The following STAG3 variants were observed in gnomAD, a reference collection of about 807,000 sequenced individuals.
STAG3 encodes cohesin subunit SA-3.
STAG3 carries 101 observed loss-of-function variants against 160.7 expected under a neutral mutation model. The observed-to-expected ratio is 0.63, with a 90% CI of 0.54 to 0.74. The LOEUF (loss-of-function observed/expected upper bound fraction) is 0.74, where lower values mean the gene tolerates loss of function less well. Among genes scored for constraint, STAG3 ranks in the 30% least tolerant of loss-of-function variants. The pLI is 0.00. For synonymous variants in STAG3, 519 were observed against 585.0 expected (o/e 0.89, Z 1.63); for missense variants, 1,188 against 1,517.4 (o/e 0.78, Z 3.61).
chr7:100,213,477 T>C, intron 32 of STAG3: 2 of 985,174 alleles, frequency 2.0e-6, no homozygotes, highest in Non-Finnish European at 2.4e-6. Flanking sequence ...AAAATATTAT[T>C]TCCTAACATC....
At position 100,214,102 on chromosome 7, in the gene STAG3, A is replaced by G; in HGVS notation, c.*87A>G. The G allele has an allele frequency of 6.5e-7, 1 of 1,533,796 alleles. No individual in the cohort carries two copies. The highest frequency in any genetic ancestry group is 2.1e-4 in the Middle Eastern group (1 of 4,694). ...GGCAAAGAGAAAAGGAGCAAAATGA[A>G]GCATTCCCCCAGGCTTCAGCCCTGG... is the stretch of plus-strand genomic sequence containing the variant. On this transcript the variant is annotated 3_prime_UTR_variant, in exon 34 of 34. Transcript: ENST00000615138.
At chr7:100,195,270 G>C in intron 8 of STAG3, 39 bp from the exon 9 acceptor site, 1 of 1,577,554 alleles carries the variant, frequency 6.3e-7, no homozygotes, top group East Asian at 2.2e-5. Flanking sequence ...TGCTTGTTAG[G>C]GTACAAGAAA....
chr7:100,208,218 G>GT (rs1318973794), intron 29 of STAG3, among the ~76,000 whole-genome samples: 2 of 151,940 alleles, frequency 1.3e-5, no homozygotes, highest in Non-Finnish European at 2.9e-5. Flanking sequence ...ATTTCCTTTT[G>GT]TTGTCTTCTG....
chr7:100,207,100 G>A lies in STAG3; in HGVS notation c.3238+1716G>A, dbSNP rs142951517. Among the ~76,000 whole-genome samples the A allele has an allele frequency of 3.9e-5, 6 of 152,204 alleles. No individual in the cohort carries two copies. Among genetic ancestry groups the A allele is most frequent in the East Asian group, 1.9e-4 (1 of 5,184 alleles). ...TTTATGGCCGAAACAATATGCCATC[G>A]TGTGGATATGCCACATTCTACTTAT... On this transcript the variant is annotated intron_variant, in intron 29 of 33. Transcript: ENST00000615138. This position sits in a 1 kb window ranked among gnomAD's most constrained non-coding sequence, Gnocchi z 4.0.
At chr7:100,186,810 T>A (rs2117123566) in intron 5 of STAG3, among the ~76,000 whole-genome samples, 1 of 152,338 alleles carries the variant, frequency 6.6e-6, no homozygotes, top group East Asian at 1.9e-4. Flanking sequence ...GTAATCACGC[T>A]TATGTTATGG....
intron 16 of STAG3, 49 bp from the exon 17 acceptor site, chr7:100,200,187 A>G: frequency 2.1e-6 from 3 of 1,437,268 alleles, no homozygotes; most frequent in East Asian, 2.4e-5. Context: ...CACCCCCTGC[A>G]CCAGTGTTTC....
intron 2 of STAG3, chr7:100,181,232 A>G (rs187596731): frequency 1.3e-5 from 2 of 152,304 alleles, no homozygotes; most frequent in East Asian, 3.9e-4. Context: ...TGTGTAGGTT[A>G]TAATAATATA....
chr7:100,218,536 A>G (rs979088515), downstream of STAG3: 7 of 304,642 alleles, frequency 2.3e-5, no homozygotes, highest in African/African-American at 4.4e-5. Flanking sequence ...TTTAACTTGC[A>G]CTGTGGCCAT....
At chr7:100,195,572 A>C (rs1474636922) in intron 9 of STAG3, among the ~76,000 whole-genome samples, 190 bp downstream of exon 9, 1 of 152,208 alleles carries the variant, frequency 6.6e-6, no homozygotes. Context: ...CCTACAAAGG[A>C]TCTTGTAAGT....
In STAG3 at chr7:100,180,394, C is replaced by G; in HGVS notation, c.-64-99C>G. Reference sequence around the variant, plus strand: ...GTTTTTGGTCCCCCTCACCTGACCCCAGAGTTCTAGAACCATTCCCTTGGA... The same window carrying G: ...GTTTTTGGTCCCCCTCACCTGACCCGAGAGTTCTAGAACCATTCCCTTGGA... On this transcript the variant is annotated intron_variant, in intron 1 of 33. Coordinates refer to ENST00000615138, the MANE Select transcript of STAG3 (RefSeq NM_001282717.2). 3 of 605,698 alleles carry G rather than the reference C, an allele frequency of 5.0e-6. No homozygotes were observed. The South Asian group carries it at 5.7e-5, about 12-fold the overall frequency. 37.5% of individuals were successfully genotyped at this position (605,698 alleles called of 1,614,324 possible).
At chr7:100,188,093 T>C (rs1156452998) in intron 5 of STAG3, among the ~76,000 whole-genome samples, 1 of 152,198 alleles carries the variant, frequency 6.6e-6, no homozygotes, top group Non-Finnish European at 1.5e-5. Context: ...GTTGTGCTTC[T>C]TGGCAAAGCA....
intron 1 of STAG3, among the ~76,000 whole-genome samples, chr7:100,179,478 GC>G (rs988713940): frequency 1.3e-5 from 2 of 152,056 alleles, no homozygotes; most frequent in African/African-American, 4.8e-5. Flanking sequence ...TCCCGCCTCA[GC>G]CGCCTAAAGT....
chr7:100,206,526 CAG>C (rs1765748883), intron 29 of STAG3, among the ~76,000 whole-genome samples: 1 of 151,900 alleles, frequency 6.6e-6, no homozygotes, highest in Admixed American at 6.6e-5. Context: ...GGCTGGAGTC[CAG>C]TGGCGTGATC....
At chr7:100,209,010 G>A (rs1458507886) in intron 29 of STAG3, among the ~76,000 whole-genome samples, 1 of 152,102 alleles carries the variant, frequency 6.6e-6, no homozygotes, top group Non-Finnish European at 1.5e-5. Flanking sequence ...CAGCAGTTCA[G>A]GGCGCCACCA....
At chr7:100,196,368 C>T (rs1468536180) in intron 9 of STAG3, among the ~76,000 whole-genome samples, 1 of 151,688 alleles carries the variant, frequency 6.6e-6, no homozygotes, top group Non-Finnish European at 1.5e-5. Flanking sequence ...GCAAGCCCCA[C>T]CCCCCGGGTT....
At chr7:100,212,845 T>G (rs1045198070) in intron 32 of STAG3, 1 of 151,818 alleles carries the variant, frequency 6.6e-6, no homozygotes, top group Non-Finnish European at 1.5e-5. Context: ...AGTCCAGGAG[T>G]TGGAGTCCAG....
rs1043452372 is a variant in STAG3 at position 100,213,539 on chromosome 7, A to G, written c.3601-196A>G. The G allele has an allele frequency of 1.1e-5, 11 of 985,468 alleles. No individual in the cohort carries two copies. In the Admixed American group the frequency reaches 6.8e-4, roughly 61 times the overall value. The allele number at this position is 985,468 out of a possible 1,614,324, so 61.0% of individuals were successfully genotyped here. ...CAAAACAAAGTCATTTAAGGGGCTCAGTCAGCAGGCCAAGAAGCGCTCTGC... is the reference window on the plus strand; with the variant it reads ...CAAAACAAAGTCATTTAAGGGGCTCGGTCAGCAGGCCAAGAAGCGCTCTGC... On this transcript the variant is annotated intron_variant, in intron 32 of 33. Transcript: ENST00000615138.
chr7:100,216,309 T>C (rs574967530), downstream of STAG3, among the ~76,000 whole-genome samples: 2 of 151,044 alleles, frequency 1.3e-5, no homozygotes, highest in Non-Finnish European at 3.0e-5. Context: ...TTTAAAAAAT[T>C]GTAAGTTATA....
intron 16 of STAG3, 85 bp from the exon 17 acceptor site, chr7:100,200,151 A>G: frequency 3.2e-6 from 3 of 942,330 alleles, no homozygotes; most frequent in Non-Finnish European, 4.9e-6. Context: ...CTAGGCAGAT[A>G]AGGTCATGGG....
Sources: allele counts gnomAD v4.1 joint callset (sites outside exome capture counted in the v4.1 genomes callset), GRCh38; gene constraint gnomAD v4.1.1; non-coding constraint Gnocchi (gnomAD v3.1); transcripts MANE v1.5; gene names NCBI Gene and HGNC (gene_info 2026-07-23, HGNC 2026-07-21).